The following BTBD10 variants were observed in gnomAD, a reference collection of about 807,000 sequenced individuals.
The protein encoded by BTBD10 is BTB domain containing 10.
In BTBD10, 21 loss-of-function variants were observed where a neutral mutation model predicts 53.2. The ratio of observed to expected loss-of-function variants is 0.39; its 90% CI spans 0.28 to 0.57. The LOEUF is 0.57. Among genes scored for constraint, BTBD10 ranks in the 20% least tolerant of loss-of-function variants. The probability of loss-of-function intolerance (pLI) is 0.53; values close to 1 mark genes in which losing one functional copy is unlikely to be tolerated. For synonymous variants in BTBD10, 149 were observed against 192.7 expected (o/e 0.77, Z 1.88); for missense variants, 360 against 594.7 (o/e 0.61, Z 4.10).
At chr11:13,415,106 C>A (rs999458055) in intron 5 of BTBD10, among the ~76,000 whole-genome samples, 85 of 149,244 alleles carry the variant, frequency 5.7e-4, no homozygotes, top group African/African-American at 2.0e-3. Flanking sequence ...ATCAATCAAA[C>A]CTTTTTTTTT....
chr11:13,460,403 C>G (rs1951069344), intron 1 of BTBD10, among the ~76,000 whole-genome samples: 1 of 152,140 alleles, frequency 6.6e-6, no homozygotes, highest in Non-Finnish European at 1.5e-5. Context: ...AAAAACACCT[C>G]TTACTTAGCT....
chr11:13,451,154 A>C (rs1458015611), intron 1 of BTBD10, among the ~76,000 whole-genome samples: 1 of 152,304 alleles, frequency 6.6e-6, no homozygotes, highest in South Asian at 2.1e-4. Flanking sequence ...TGATAGCTAA[A>C]ATACACATGT....
chr11:13,403,939 G>T (rs1397586965), intron 7 of BTBD10, among the ~76,000 whole-genome samples: 1 of 152,198 alleles, frequency 6.6e-6, no homozygotes. Context: ...AATGTGCTGA[G>T]AACTTCAGGG....
chr11:13,392,774 C>T (rs982959017), intron 8 of BTBD10, among the ~76,000 whole-genome samples: 1 of 152,142 alleles, frequency 6.6e-6, no homozygotes, highest in African/African-American at 2.4e-5. Flanking sequence ...ATTACTTTGC[C>T]TCGCATTTCC....
intron 7 of BTBD10, 46 bp downstream of exon 7, chr11:13,405,613 T>A: frequency 6.2e-7 from 1 of 1,601,096 alleles, no homozygotes; most frequent in South Asian, 1.1e-5. Flanking sequence ...AAACAAGAAA[T>A]AATTCGTGAT....
intron 2 of BTBD10, among the ~76,000 whole-genome samples, chr11:13,424,327 G>A (rs1950296426): frequency 6.6e-6 from 1 of 152,192 alleles, no homozygotes; most frequent in Non-Finnish European, 1.5e-5. Flanking sequence ...CCCTGTAGCT[G>A]AAAGACTAGA....
chr11:13,446,081 T>A (rs1950745322), intron 1 of BTBD10, among the ~76,000 whole-genome samples: 1 of 152,138 alleles, frequency 6.6e-6, no homozygotes, highest in African/African-American at 2.4e-5. Context: ...GAGACTAAAG[T>A]ATTTGTTTGG....
chr11:13,406,616 AGTGTGTGT>A (rs71041525), intron 6 of BTBD10, among the ~76,000 whole-genome samples: 34 of 148,104 alleles, frequency 2.3e-4, no homozygotes, highest in South Asian at 1.9e-3. Flanking sequence ...AGAGAGAGAC[AGTGTGTGT>A]GTGTGTGTGT....
chr11:13,456,861 A>G (rs1165789147), intron 1 of BTBD10, among the ~76,000 whole-genome samples: 1 of 152,192 alleles, frequency 6.6e-6, no homozygotes, highest in Admixed American at 6.5e-5. Context: ...TACACTGCCA[A>G]TGAAAAGTAC....
intron 1 of BTBD10, among the ~76,000 whole-genome samples, chr11:13,461,949 T>A (rs3101172): frequency 6.6e-6 from 1 of 150,912 alleles, no homozygotes; most frequent in African/African-American, 2.5e-5. Flanking sequence ...TTTTTTTTTT[T>A]ACCAGTCTTG....
intron 5 of BTBD10, among the ~76,000 whole-genome samples, chr11:13,414,284 G>C (rs1243629429): frequency 6.6e-6 from 1 of 152,180 alleles, no homozygotes; most frequent in Non-Finnish European, 1.5e-5. Flanking sequence ...TTACTTCAGA[G>C]ATGAGTGATA....
chr11:13,457,599 A>G (rs1363073917), intron 1 of BTBD10, among the ~76,000 whole-genome samples: 2 of 152,234 alleles, frequency 1.3e-5, no homozygotes, highest in African/African-American at 4.8e-5. Context: ...TTTGTAAAGA[A>G]AACAACTCAA....
intron 4 of BTBD10, among the ~76,000 whole-genome samples, 164 bp from the exon 5 acceptor site, chr11:13,417,424 A>G (rs565124962): frequency 1.3e-5 from 2 of 152,364 alleles, no homozygotes; most frequent in East Asian, 1.9e-4. Context: ...AGAATATTAA[A>G]AACATTTTCT....
At chr11:13,415,581 C>CTT (rs576713693) in intron 5 of BTBD10, among the ~76,000 whole-genome samples, 6 of 145,606 alleles carry the variant, frequency 4.1e-5, no homozygotes, top group African/African-American at 5.0e-5. Flanking sequence ...CCTGCCCCTT[C>CTT]TTTTTTTTTT....
chr11:13,457,491 A>G (rs965560608), intron 1 of BTBD10, among the ~76,000 whole-genome samples: 16 of 152,258 alleles, frequency 1.1e-4, no homozygotes, highest in African/African-American at 3.6e-4. Context: ...ACAGGTAGGT[A>G]CAGAACAAGC....
chr11:13,412,400 C>A (rs375160674), intron 6 of BTBD10, among the ~76,000 whole-genome samples: 1 of 152,084 alleles, frequency 6.6e-6, no homozygotes, highest in Non-Finnish European at 1.5e-5. Context: ...TTGCAGTGAG[C>A]TGAGATTGCA....
At chr11:13,418,079 G>A (rs1461645487) in intron 4 of BTBD10, among the ~76,000 whole-genome samples, 4 of 151,994 alleles carry the variant, frequency 2.6e-5, no homozygotes, top group South Asian at 2.1e-4. Flanking sequence ...CCTATGGTAC[G>A]GTTGAACTAA....
chr11:13,462,043 A>C (rs2028976), intron 1 of BTBD10, among the ~76,000 whole-genome samples: 24,473 of 150,872 alleles, frequency 0.16, 2,140 homozygotes, highest in Admixed American at 0.24. Flanking sequence ...GGGTTTCAGG[A>C]CTGAACTTCA....
At chr11:13,398,964 C>G (rs1205980072) in intron 8 of BTBD10, among the ~76,000 whole-genome samples, 2 of 152,200 alleles carry the variant, frequency 1.3e-5, no homozygotes, top group Non-Finnish European at 2.9e-5. Context: ...TTCTCTCTGG[C>G]TGCCCTTAAC....
Sources: allele counts gnomAD v4.1 joint callset (sites outside exome capture counted in the v4.1 genomes callset), GRCh38; gene constraint gnomAD v4.1.1; transcripts MANE v1.5; gene names NCBI Gene and HGNC (gene_info 2026-07-23, HGNC 2026-07-21).